SLC24A2: variants seen among roughly 807,000 people sequenced by gnomAD.
SLC24A2 encodes the protein solute carrier family 24 member 2.
A neutral mutation model predicts 62.0 loss-of-function variants in SLC24A2; 36 were observed. That is an observed-to-expected ratio of 0.58 (90% CI 0.44 to 0.77). The LOEUF is 0.77. Among genes scored for constraint, SLC24A2 ranks in the 30% least tolerant of loss-of-function variants. The pLI, the probability that SLC24A2 is intolerant of heterozygous loss-of-function variation, is 0.00. For missense variants in SLC24A2, 846 were observed against 817.9 expected (o/e 1.03, Z -0.42); for synonymous variants, 358 against 294.0 (o/e 1.22, Z -2.23).
At chr9:19,529,533 G>A (rs980654310) in intron 8 of SLC24A2, among the ~76,000 whole-genome samples, 1 of 152,092 alleles carries the variant, frequency 6.6e-6, no homozygotes, top group Admixed American at 6.6e-5. Flanking sequence ...TTGGATGACT[G>A]TAAGACCAAG....
chr9:20,222,773 T>C, the SLC24A2 span, among the ~76,000 whole-genome samples: 1 of 152,088 alleles, frequency 6.6e-6, no homozygotes, highest in Non-Finnish European at 1.5e-5. Context: ...GTGATATTTG[T>C]CAAGATTTTT....
At chr9:20,068,587 A>T in the SLC24A2 span, among the ~76,000 whole-genome samples, 1 of 152,148 alleles carries the variant, frequency 6.6e-6, no homozygotes, top group Non-Finnish European at 1.5e-5. Flanking sequence ...AAGTCTCTCA[A>T]TAAATGTTTT....
At chr9:19,892,970 G>A in the SLC24A2 span, among the ~76,000 whole-genome samples, 1 of 152,160 alleles carries the variant, frequency 6.6e-6, no homozygotes, top group African/African-American at 2.4e-5. Flanking sequence ...AAACAAGGGG[G>A]AGGTTTTGTT....
the SLC24A2 span, among the ~76,000 whole-genome samples, chr9:20,111,599 G>C: frequency 6.6e-6 from 1 of 152,102 alleles, no homozygotes; most frequent in Non-Finnish European, 1.5e-5. Context: ...TATATCAGCT[G>C]AGAGCTTGTT....
At chr9:19,769,002 G>A (rs6475366) in intron 2 of SLC24A2, among the ~76,000 whole-genome samples, 77,852 of 151,742 alleles carry the variant, frequency 0.51, 20,280 homozygotes, top group East Asian at 0.73. Flanking sequence ...CTACACTCTC[G>A]TGTCTGAACT....
intron 1 of SLC24A2, among the ~76,000 whole-genome samples, chr9:19,787,224 C>T (rs564267176): frequency 1.2e-4 from 18 of 152,274 alleles, no homozygotes; most frequent in Admixed American, 3.3e-4. Context: ...TGAGTAAAAA[C>T]ATATGTAGCA....
rs1314294737 is a variant in SLC24A2, at chr9:19,510,899, G to C, written c.*5254C>G. ...GTGGATTTGCTTGTCCTTTGTAGCT[G>C]CTTCTTACTCTTTCTTAAGAAATCT... On this transcript the variant is annotated 3_prime_UTR_variant, in exon 11 of 11. Coordinates refer to ENST00000341998, the MANE Select transcript of SLC24A2 (RefSeq NM_020344.4). The C allele has an allele frequency of 6.6e-6, 1 of 152,174 alleles. No individual in the cohort carries two copies. The highest frequency in any genetic ancestry group is 2.4e-5 in the African/African-American group (1 of 41,418). 9.4% of individuals were successfully genotyped at this position (152,174 alleles called of 1,614,324 possible).
At chr9:19,865,869 G>A in the SLC24A2 span, among the ~76,000 whole-genome samples, 1 of 152,098 alleles carries the variant, frequency 6.6e-6, no homozygotes, top group East Asian at 1.9e-4. Context: ...AAGTTAAAAA[G>A]CTTCTGCAAA....
chr9:19,881,039 C>G, the SLC24A2 span, among the ~76,000 whole-genome samples: 1 of 152,088 alleles, frequency 6.6e-6, no homozygotes, highest in Non-Finnish European at 1.5e-5. Flanking sequence ...ATAATAGAAA[C>G]AATCTTAGTG....
the SLC24A2 span, among the ~76,000 whole-genome samples, chr9:19,915,260 C>T: frequency 2.9e-3 from 438 of 152,188 alleles, 3 homozygotes; most frequent in East Asian, 0.017. Context: ...CATGTATCAG[C>T]GCTTCGTTCT....
At chr9:19,649,985 C>T (rs1050384494) in intron 2 of SLC24A2, among the ~76,000 whole-genome samples, 1 of 152,174 alleles carries the variant, frequency 6.6e-6, no homozygotes, top group Non-Finnish European at 1.5e-5. Flanking sequence ...AAGCAGACTG[C>T]GGGGTTGAAT....
At chr9:20,081,191 CG>C in the SLC24A2 span, among the ~76,000 whole-genome samples, 5 of 151,856 alleles carry the variant, frequency 3.3e-5, no homozygotes, top group Admixed American at 3.3e-4. Flanking sequence ...ATGTTTATTG[CG>C]GCACTATTCA....
At chr9:19,676,624 A>G (rs1819568486) in intron 2 of SLC24A2, among the ~76,000 whole-genome samples, 2 of 152,152 alleles carry the variant, frequency 1.3e-5, no homozygotes, top group African/African-American at 4.8e-5. Context: ...AAATTAGGTA[A>G]GTAAGATAAA....
At chr9:19,865,048 G>A in the SLC24A2 span, among the ~76,000 whole-genome samples, 2 of 151,868 alleles carry the variant, frequency 1.3e-5, no homozygotes, top group Admixed American at 1.3e-4. Context: ...ACTGAACAAA[G>A]TGAAAAAGAA....
chr9:19,742,705 T>C (rs1821715733), intron 2 of SLC24A2, among the ~76,000 whole-genome samples: 1 of 152,198 alleles, frequency 6.6e-6, no homozygotes, highest in East Asian at 1.9e-4. Flanking sequence ...CATTAGAACA[T>C]GCCTTCTTCA....
chr9:19,628,824 AAAAC>A (rs1448725774), intron 2 of SLC24A2, among the ~76,000 whole-genome samples: 3 of 152,238 alleles, frequency 2.0e-5, no homozygotes, highest in African/African-American at 7.2e-5. Flanking sequence ...CTGATGAACT[AAAAC>A]AAACAAACAA....
chr9:19,707,631 T>C (rs980957775), intron 2 of SLC24A2, among the ~76,000 whole-genome samples: 1 of 152,186 alleles, frequency 6.6e-6, no homozygotes, highest in African/African-American at 2.4e-5. Flanking sequence ...ATCCAGCATA[T>C]AAACAGAACC....
the SLC24A2 span, among the ~76,000 whole-genome samples, chr9:20,068,666 C>G: frequency 6.6e-6 from 1 of 152,098 alleles, no homozygotes; most frequent in Non-Finnish European, 1.5e-5. Flanking sequence ...GTTGCTCTTG[C>G]TTGGGGGTGC....
At chr9:19,636,315 T>TTTTCTTTTCTTTTCTTTCTTTC in intron 2 of SLC24A2, among the ~76,000 whole-genome samples, 138 of 39,998 alleles carry the variant, frequency 3.5e-3, no homozygotes, top group Non-Finnish European at 3.9e-3. Context: ...TTTTCTTTTC[T>TTTTCTTTTCTTTTCTTTCTTTC]TTTCTTTCTT....
Sources: allele counts gnomAD v4.1 joint callset (sites outside exome capture counted in the v4.1 genomes callset), GRCh38; gene constraint gnomAD v4.1.1; transcripts MANE v1.5; gene names NCBI Gene and HGNC (gene_info 2026-07-23, HGNC 2026-07-21).